Variants in ITGAV observed in about 807,000 individuals in gnomAD.
The protein encoded by ITGAV is integrin subunit alpha V.
ITGAV carries 76 observed loss-of-function variants against 143.8 expected under a neutral mutation model. The ratio of observed to expected loss-of-function variants is 0.53; its 90% CI spans 0.44 to 0.64. The LOEUF is 0.64. ITGAV is among the 30% of genes least tolerant of loss of function. ITGAV has a pLI of 0.00. For missense variants in ITGAV, 1,193 were observed against 1,274.7 expected (o/e 0.94, Z 0.98); for synonymous variants, 453 against 446.7 (o/e 1.01, Z -0.18).
At chr2:186,635,381 A>G (rs1348251100) in intron 6 of ITGAV, among the ~76,000 whole-genome samples, 2 of 152,210 alleles carry the variant, frequency 1.3e-5, no homozygotes, top group Non-Finnish European at 2.9e-5. Context: ...AGCCCAGATG[A>G]TAAAGTAGTG....
rs201353911 is a variant in ITGAV, at chr2:186,663,818, G to A, written c.1908G>A (p.Leu636=). Residue 636 remains leucine, a synonymous_variant, in exon 19 of 30, where the codon CTG becomes CTA. Coordinates refer to ENST00000261023, the MANE Select transcript of ITGAV (RefSeq NM_002210.5). ...CGEDNVCKPK[L]EVSVDSDQKK... ...AAGACAATGTCTGTAAACCCAAGCT[G>A]GAAGTTTCTGTAGATAGGTAAGTTT... The A allele has an allele frequency of 9.9e-6, 16 of 1,611,504 alleles. No homozygotes were observed. The Admixed American group carries it at 1.3e-4, about 13-fold the overall frequency.
chr2:186,644,586 A>C (rs543924336), intron 12 of ITGAV, among the ~76,000 whole-genome samples: 6 of 151,980 alleles, frequency 3.9e-5, no homozygotes, highest in Non-Finnish European at 5.9e-5. Context: ...GGCCTCTGAA[A>C]GTGCTGGGAA....
intron 15 of ITGAV, among the ~76,000 whole-genome samples, chr2:186,653,970 C>A (rs1156656362): frequency 5.3e-5 from 8 of 152,138 alleles, no homozygotes; most frequent in Admixed American, 5.2e-4. Context: ...TTGTGAAGAA[C>A]ACTGCTGTAA....
chr2:186,647,496 A>G (rs1421059051), intron 13 of ITGAV, among the ~76,000 whole-genome samples: 1 of 152,056 alleles, frequency 6.6e-6, no homozygotes, highest in Non-Finnish European at 1.5e-5. Flanking sequence ...GTGGCCTCCC[A>G]AAGTGTTGGG....
intron 2 of ITGAV, among the ~76,000 whole-genome samples, chr2:186,618,520 T>C (rs1687431044): frequency 6.6e-6 from 1 of 152,184 alleles, no homozygotes; most frequent in South Asian, 2.1e-4. Context: ...TTTAAAGAAA[T>C]AGGAAACAGA....
intron 26 of ITGAV, among the ~76,000 whole-genome samples, chr2:186,671,906 A>G (rs1195303673): frequency 6.9e-6 from 1 of 145,318 alleles, no homozygotes; most frequent in East Asian, 2.0e-4. Flanking sequence ...TTCATGTAGC[A>G]TGTTTTCAAG....
chr2:186,625,767 A>T (rs1010636415), intron 4 of ITGAV, among the ~76,000 whole-genome samples, 180 bp downstream of exon 4: 1 of 152,112 alleles, frequency 6.6e-6, no homozygotes, highest in Non-Finnish European at 1.5e-5. Flanking sequence ...TACAAATGTG[A>T]AGTAAACAGG....
chr2:186,602,193 GA>G (rs1686928590), intron 2 of ITGAV, 42 bp downstream of exon 2: 1 of 1,559,606 alleles, frequency 6.4e-7, no homozygotes, highest in Non-Finnish European at 8.7e-7. Flanking sequence ...GATTTCATTT[GA>G]TTTTTTTTTT....
At chr2:186,652,160 G>A (rs889045503) in intron 15 of ITGAV, 71 bp downstream of exon 15, 1 of 931,588 alleles carries the variant, frequency 1.1e-6, no homozygotes, top group Admixed American at 2.0e-5. Flanking sequence ...AATTGAAAAT[G>A]AAGGTGGTAG....
intron 1 of ITGAV, 69 bp downstream of exon 1, chr2:186,590,592 C>A: frequency 7.1e-7 from 1 of 1,414,658 alleles, no homozygotes; most frequent in Non-Finnish European, 9.6e-7. Flanking sequence ...AGCGTTTCTC[C>A]ATTGGGATTG....
At chr2:186,651,115 G>A (rs907767613) in intron 14 of ITGAV, among the ~76,000 whole-genome samples, 13 of 152,076 alleles carry the variant, frequency 8.5e-5, no homozygotes, top group African/African-American at 3.1e-4. Flanking sequence ...TCCTCATGAC[G>A]TAGAATATCA....
chr2:186,595,756 A>G (rs1427331887), intron 1 of ITGAV, among the ~76,000 whole-genome samples: 1 of 152,084 alleles, frequency 6.6e-6, no homozygotes, highest in African/African-American at 2.4e-5. Flanking sequence ...AGGGAAATGG[A>G]GTCTATCAGG....
chr2:186,642,251 A>C (rs571760285), intron 12 of ITGAV, among the ~76,000 whole-genome samples: 44 of 152,318 alleles, frequency 2.9e-4, no homozygotes, highest in African/African-American at 1.0e-3. Context: ...AATCTGTTAA[A>C]AACCTTTCTA....
intron 2 of ITGAV, among the ~76,000 whole-genome samples, chr2:186,607,459 A>G (rs1687099635): frequency 6.6e-6 from 1 of 152,134 alleles, no homozygotes; most frequent in Admixed American, 6.6e-5. Context: ...GAGCTGGGGC[A>G]TTATTCTGCC....
At chr2:186,643,402 G>A (rs1476749085) in intron 12 of ITGAV, among the ~76,000 whole-genome samples, 1 of 152,176 alleles carries the variant, frequency 6.6e-6, no homozygotes, top group Non-Finnish European at 1.5e-5. Flanking sequence ...ATAGTAGATT[G>A]TGAATGATAA....
At position 186,679,725 on chromosome 2, in the gene ITGAV, G is replaced by A. The variant is rs1012746857; in HGVS notation, c.*2433G>A. The A allele has an allele frequency of 1.3e-5, 2 of 151,816 alleles. No homozygotes were observed. Among genetic ancestry groups the A allele is most frequent in the African/African-American group, 4.8e-5 (2 of 41,378 alleles). The allele number at this position is 151,816 out of a possible 1,614,324, so 9.4% of individuals were successfully genotyped here. On this transcript the variant is annotated 3_prime_UTR_variant, in exon 30 of 30. Transcript: ENST00000261023. ...GATACTGATATTGATTTTTATATAG[G>A]TATTTATTTCAGAATTGATATTTTG...
rs749462084 is a variant in ITGAV at position 186,665,202 on chromosome 2, T to C, written c.2150T>C (p.Met717Thr). Residue 717 changes from methionine (M) to threonine (T), a missense_variant, in exon 21 of 30, where the codon ATG (methionine) becomes ACG (threonine). Met to Thr is a moderately conservative substitution (Grantham distance 81, BLOSUM62 -1). Transcript: ENST00000261023. ...GTGGTATGTGACCTTGGAAACCCAA[T>C]GAAGGCTGGAACTCAAGTAAGACAA... ...RQVVCDLGNP[M>T]KAGTQLLAGL... 1.2e-6 allele frequency: 2 copies of C among 1,609,528 alleles called. No homozygotes were observed. Among genetic ancestry groups the C allele is most frequent in the Admixed American group, 3.3e-5 (2 of 59,890 alleles).
chr2:186,620,245 T>C (rs1159343609), intron 2 of ITGAV, among the ~76,000 whole-genome samples: 4 of 152,178 alleles, frequency 2.6e-5, no homozygotes, highest in African/African-American at 9.7e-5. Context: ...GATTATCTCT[T>C]GTGTTAGAGA....
chr2:186,641,296 AAG>A lies in ITGAV; in HGVS notation c.957-87_957-86del, dbSNP rs1688095599. On this transcript the variant is annotated intron_variant, in intron 11 of 29. Transcript: ENST00000261023. ...TCACTGTGGGTGTGAGAGATGCAGA[AAG>A]AGGAAAAGTGAGTTGTAGTAAGAAA... The A allele has an allele frequency of 5.1e-6, 5 of 985,988 alleles. No individual in the cohort carries two copies. In the Admixed American group the frequency reaches 7.8e-5, roughly 15 times the overall value. 61.1% of individuals were successfully genotyped at this position (985,988 alleles called of 1,614,324 possible).
Sources: gnomAD v4.1 joint callset for allele counts (sites outside exome capture counted in the v4.1 genomes callset) on GRCh38, gnomAD v4.1.1 for gene constraint, MANE v1.5 for transcripts, NCBI Gene and HGNC (gene_info 2026-07-23, HGNC 2026-07-21) for gene names.